TMEM120B: variants seen among roughly 807,000 people sequenced by gnomAD.
The protein encoded by TMEM120B is transmembrane protein 120B.
In TMEM120B, 31 loss-of-function variants were observed where a neutral mutation model predicts 55.5. That is an observed-to-expected ratio of 0.56 (90% CI 0.42 to 0.75). The LOEUF is 0.75. Among genes scored for constraint, TMEM120B ranks in the 30% least tolerant of loss-of-function variants. TMEM120B has a pLI of 0.00. For synonymous variants in TMEM120B, 203 were observed against 176.3 expected, an observed-to-expected ratio of 1.15 and a Z score of -1.20; for missense variants, 399 against 425.5, an observed-to-expected ratio of 0.94 and a Z score of 0.55.
chr12:121,773,223 G>A (rs562447230), intron 8 of TMEM120B, among the ~76,000 whole-genome samples, 198 bp from the exon 9 acceptor site: 19 of 152,302 alleles, frequency 1.2e-4, no homozygotes, highest in African/African-American at 4.6e-4. Context: ...CTGTGTTCTG[G>A]ATAAGGGCTA....
chr12:121,755,155 TCCTCTTGCC>T (rs1300635854), intron 5 of TMEM120B, among the ~76,000 whole-genome samples: 2 of 152,208 alleles, frequency 1.3e-5, no homozygotes, highest in Admixed American at 6.5e-5. Context: ...TCTCTTTTCT[TCCTCTTGCC>T]CCTCTTGGGA....
intron 6 of TMEM120B, among the ~76,000 whole-genome samples, chr12:121,767,253 C>G (rs1419626380): frequency 1.3e-5 from 2 of 152,128 alleles, no homozygotes; most frequent in South Asian, 2.1e-4. Context: ...CTCCGCGTCC[C>G]GGGTTCACGC....
At chr12:121,713,691 G>A (rs1421892274) in intron 1 of TMEM120B, among the ~76,000 whole-genome samples, 1 of 152,146 alleles carries the variant, frequency 6.6e-6, no homozygotes, top group Admixed American at 6.6e-5. Flanking sequence ...TGGGTGTGGG[G>A]AGCGGTCCTG....
chr12:121,735,539 C>G (rs1895093079), intron 1 of TMEM120B, among the ~76,000 whole-genome samples: 1 of 151,510 alleles, frequency 6.6e-6, no homozygotes, highest in African/African-American at 2.4e-5. Flanking sequence ...GCTGGGACTA[C>G]AGGCGCACAC....
At chr12:121,735,384 A>G (rs1486077850) in intron 1 of TMEM120B, among the ~76,000 whole-genome samples, 2 of 151,306 alleles carry the variant, frequency 1.3e-5, no homozygotes, top group African/African-American at 4.9e-5. Flanking sequence ...ATAATTACAA[A>G]TAAATACCAT....
chr12:121,770,423 G>A (rs1041066864), intron 6 of TMEM120B, among the ~76,000 whole-genome samples: 1 of 152,132 alleles, frequency 6.6e-6, no homozygotes, highest in Admixed American at 6.5e-5. Context: ...GTGCTGGGGG[G>A]CTCAGCTTCA....
rs1894623083 is a variant in TMEM120B at position 121,712,787 on chromosome 12, T to G, written c.-109T>G. On this transcript the variant is annotated 5_prime_UTR_variant, in exon 1 of 12. Transcript: ENST00000449592. ...GTGGCTCTGGCTGCGCAGGAACAGC[T>G]GGTGCCTCCGAGGGCGGTCGGCGAG... 2.8e-6 allele frequency: 2 copies of G among 712,826 alleles called. No individual in the cohort carries two copies. The highest frequency in any genetic ancestry group is 3.9e-6 in the Non-Finnish European group (2 of 511,952). The allele number at this position is 712,826 out of a possible 1,614,324, so 44.2% of individuals were successfully genotyped here. A position where few individuals can be genotyped will look rare whatever the true frequency, so the allele number is the denominator to read the frequency against.
At chr12:121,766,734 G>A (rs552446105) in intron 6 of TMEM120B, among the ~76,000 whole-genome samples, 2 of 152,342 alleles carry the variant, frequency 1.3e-5, no homozygotes, top group East Asian at 1.9e-4. Context: ...CCCCACAGGG[G>A]CAAAGCAGAG....
In TMEM120B at chr12:121,777,842, C is replaced by CTA. The variant is rs1874295406; in HGVS notation, c.*2120_*2121insTA. ...GTAGTTGTTGGACCTCTACCGTAGA[C>CTA]CATCATGAGGCCTGGGGTTCTTCGA... is the stretch of plus-strand genomic sequence containing the variant. On this transcript the variant is annotated 3_prime_UTR_variant, in exon 12 of 12. Transcript: ENST00000449592. The CTA allele has an allele frequency of 6.6e-6, 1 of 152,230 alleles. No individual in the cohort carries two copies. The allele number at this position is 152,230 out of a possible 1,614,324, so 9.4% of individuals were successfully genotyped here.
intron 4 of TMEM120B, 36 bp from the exon 5 acceptor site, chr12:121,752,092 T>C: frequency 6.3e-7 from 1 of 1,577,688 alleles, no homozygotes. Context: ...ATAGTCATGG[T>C]AAGGGGCACA....
chr12:121,746,434 A>G (rs1178562726), intron 2 of TMEM120B, among the ~76,000 whole-genome samples: 1 of 151,812 alleles, frequency 6.6e-6, no homozygotes, highest in South Asian at 2.1e-4. Context: ...TGATCGGCCC[A>G]CCTCAGCCTC....
At position 121,775,678 on chromosome 12, in the gene TMEM120B, C is replaced by G; in HGVS notation, c.976C>G (p.His326Asp). ...GNFLTTLKVV[H>D]AKLQKNRGKT... ...CTTCCTGACCACGCTCAAAGTCGTG[C>G]ATGCCAAGCTCCAGAAGAACAGAGG... is the stretch of plus-strand genomic sequence containing the variant. The change falls in exon 12 of 12, where the codon CAT (histidine) becomes GAT (aspartate). Residue 326 changes from histidine (H) to aspartate (D), a missense_variant. Physicochemically the swap from His to Asp is moderately conservative, Grantham distance 81. Transcript: ENST00000449592. This position sits in a 1 kb window ranked among gnomAD's most constrained non-coding sequence, Gnocchi z 4.3. The G allele has an allele frequency of 3.7e-6, 6 of 1,614,056 alleles. No individual in the cohort carries two copies. Among genetic ancestry groups the G allele is most frequent in the Non-Finnish European group, 5.1e-6 (6 of 1,179,970 alleles).
Position 121,781,412 on chromosome 12 carries a change from A to G in TMEM120B, c.*5690A>G. The G allele has an allele frequency of 1.9e-6, 1 of 522,342 alleles. No homozygotes were observed. Among genetic ancestry groups the G allele is most frequent in the Non-Finnish European group, 3.5e-6 (1 of 287,894 alleles). 32.4% of individuals were successfully genotyped at this position (522,342 alleles called of 1,614,324 possible). ...CTTGAGCCCAGGAGGTCAAGGCTAC[A>G]GTGAGCCGTGATCATGCCACTGCAC... On this transcript the variant is annotated 3_prime_UTR_variant, in exon 12 of 12. Transcript: ENST00000449592.
At chr12:121,719,155 G>A (rs575919512) in intron 1 of TMEM120B, among the ~76,000 whole-genome samples, 45 of 152,222 alleles carry the variant, frequency 3.0e-4, no homozygotes, top group Non-Finnish European at 1.5e-4. Flanking sequence ...TGCTCCTGAA[G>A]CCTAAAAGTG....
chr12:121,721,956 G>A (rs1170206645), intron 1 of TMEM120B, among the ~76,000 whole-genome samples: 2 of 149,444 alleles, frequency 1.3e-5, no homozygotes, highest in Non-Finnish European at 3.0e-5. Flanking sequence ...CTACAGGCAT[G>A]TGCCACCATG....
chr12:121,763,320 A>T (rs1401674068), intron 6 of TMEM120B, among the ~76,000 whole-genome samples: 1 of 150,262 alleles, frequency 6.7e-6, no homozygotes, highest in Non-Finnish European at 1.5e-5. Flanking sequence ...CCGCCACCAC[A>T]CCCGGCTAAT....
In TMEM120B at chr12:121,732,265, G is replaced by A. The variant is rs117874049; in HGVS notation, c.70-11364G>A. Among the ~76,000 whole-genome samples, 23 of 152,350 alleles carry A rather than the reference G, an allele frequency of 1.5e-4. No homozygotes were observed. The East Asian group carries it at 3.5e-3, about 23-fold the overall frequency. ...TGGGCGTGGGCGCAGAATGCCTTGC[G>A]GGTGGAGAATGTGTCACACTAAGGT... On this transcript the variant is annotated intron_variant, in intron 1 of 11. Coordinates refer to ENST00000449592, the MANE Select transcript of TMEM120B (RefSeq NM_001080825.2).
Position 121,720,792 on chromosome 12 carries a change from C to T in TMEM120B, c.69+7828C>T, listed in dbSNP as rs190327325. Among the ~76,000 whole-genome samples, 207 of 152,274 alleles carry T rather than the reference C, an allele frequency of 1.4e-3. 1 individual carries two copies. The highest frequency in any genetic ancestry group is 0.013 in the South Asian group (61 of 4,826). ...GCTCTAAGGCACCACACTTAAGTGG[C>T]GGTATGGCCCTATTGCAGTCTACTG... On this transcript the variant is annotated intron_variant, in intron 1 of 11. Coordinates refer to ENST00000449592, the MANE Select transcript of TMEM120B (RefSeq NM_001080825.2).
intron 1 of TMEM120B, among the ~76,000 whole-genome samples, chr12:121,731,499 C>A (rs1054581409): frequency 2.6e-4 from 40 of 152,170 alleles, no homozygotes; most frequent in African/African-American, 9.4e-4. Context: ...AAGTGATCTG[C>A]CCTAGGCCCT....
Sources: gnomAD v4.1 joint callset for allele counts (sites outside exome capture counted in the v4.1 genomes callset) on GRCh38, gnomAD v4.1.1 for gene constraint, Gnocchi (gnomAD v3.1) non-coding constraint, MANE v1.5 for transcripts, NCBI Gene and HGNC (gene_info 2026-07-23, HGNC 2026-07-21) for gene names.